DOCK3: variants seen among roughly 807,000 people sequenced by gnomAD.
The protein encoded by DOCK3 is dedicator of cytokinesis protein 3.
DOCK3 carries 60 observed loss-of-function variants against 265.6 expected under a neutral mutation model. That is an observed-to-expected ratio of 0.23 (90% CI 0.18 to 0.28). The LOEUF is 0.28. DOCK3 is among the 10% of genes least tolerant of loss of function. The probability of loss-of-function intolerance (pLI) is 1.00; values close to 1 mark genes in which losing one functional copy is unlikely to be tolerated. For synonymous variants in DOCK3, 881 were observed against 938.0 expected (o/e 0.94, Z 1.11); for missense variants, 1,981 against 2,594.3 (o/e 0.76, Z 5.14).
rs867023201 is a variant in DOCK3, at chr3:50,946,251, G to A, written c.315+12174G>A. Among the ~76,000 whole-genome samples, 22 of 152,098 alleles carry A rather than the reference G, an allele frequency of 1.4e-4. No individual in the cohort carries two copies. In the South Asian group the frequency reaches 1.9e-3, roughly 13 times the overall value. ...TGAAGAAGGGCTTTGACGTGCTTTAGCCCTACTATTTTTCAAATATATACT... is the reference window on the plus strand; with the variant it reads ...TGAAGAAGGGCTTTGACGTGCTTTAACCCTACTATTTTTCAAATATATACT... On this transcript the variant is annotated intron_variant, in intron 5 of 52. Transcript: ENST00000266037.
At chr3:50,966,947 TAAAA>T (rs925101714) in intron 5 of DOCK3, among the ~76,000 whole-genome samples, 1 of 152,132 alleles carries the variant, frequency 6.6e-6, no homozygotes, top group Admixed American at 6.6e-5. Context: ...CTCTTTCCTT[TAAAA>T]AAATCTTTTT....
intron 2 of DOCK3, among the ~76,000 whole-genome samples, chr3:50,807,084 C>T (rs1237019609): frequency 2.0e-5 from 3 of 152,126 alleles, no homozygotes; most frequent in South Asian, 2.1e-4. Context: ...CTGCATTCTT[C>T]GGAATCCAGT....
intron 14 of DOCK3, among the ~76,000 whole-genome samples, chr3:51,216,920 C>T (rs1215330237): frequency 2.0e-5 from 3 of 152,190 alleles, no homozygotes; most frequent in Admixed American, 6.5e-5. Context: ...GTAGCAGTCC[C>T]TCAGCTCTCA....
chr3:50,770,739 A>C (rs912817697), intron 1 of DOCK3, among the ~76,000 whole-genome samples: 2 of 152,324 alleles, frequency 1.3e-5, no homozygotes, highest in South Asian at 2.1e-4. Context: ...GAGAACCCAG[A>C]AACAAGGTTT....
At chr3:51,171,228 G>A (rs549676147) in intron 12 of DOCK3, among the ~76,000 whole-genome samples, 1 of 152,068 alleles carries the variant, frequency 6.6e-6, no homozygotes, top group East Asian at 1.9e-4. Context: ...AGTCTTGATA[G>A]GTTTTGTTTT....
chr3:51,225,176 C>G (rs1159618355), intron 14 of DOCK3, among the ~76,000 whole-genome samples: 2 of 152,136 alleles, frequency 1.3e-5, no homozygotes, highest in Admixed American at 6.5e-5. Flanking sequence ...ATCCTCTAGT[C>G]AGACTCAGAA....
intron 3 of DOCK3, among the ~76,000 whole-genome samples, chr3:50,875,924 C>T (rs1316693642): frequency 6.6e-6 from 1 of 150,772 alleles, no homozygotes; most frequent in Admixed American, 6.6e-5. Context: ...TAATATGAAA[C>T]ATTTTCATGA....
At chr3:51,336,937 G>C in intron 35 of DOCK3, 1 of 455,292 alleles carries the variant, frequency 2.2e-6, no homozygotes. Context: ...TGGGGAGACA[G>C]ATGCCTTCTA....
chr3:51,055,874 A>T (rs2081183210), intron 5 of DOCK3, among the ~76,000 whole-genome samples: 1 of 152,218 alleles, frequency 6.6e-6, no homozygotes, highest in African/African-American at 2.4e-5. Context: ...GTAAGAGAGG[A>T]TTAGAGCTAT....
At chr3:51,038,905 G>C (rs1051107578) in intron 5 of DOCK3, among the ~76,000 whole-genome samples, 1 of 151,556 alleles carries the variant, frequency 6.6e-6, no homozygotes, top group African/African-American at 2.4e-5. Context: ...ATTTCCAAAA[G>C]ATTTTATATA....
intron 2 of DOCK3, chr3:50,788,116 A>G: frequency 1.3e-6 from 1 of 761,492 alleles, no homozygotes; most frequent in Non-Finnish European, 2.1e-6. Context: ...CAGAATAAGG[A>G]CTTCCTGGTT....
intron 5 of DOCK3, among the ~76,000 whole-genome samples, chr3:50,971,746 G>T (rs1014044367): frequency 1.3e-5 from 2 of 152,194 alleles, no homozygotes; most frequent in East Asian, 3.8e-4. Context: ...AACTGGGCTG[G>T]TCTATAGAAT....
At chr3:51,106,106 G>C (rs2083269507) in intron 9 of DOCK3, among the ~76,000 whole-genome samples, 1 of 152,206 alleles carries the variant, frequency 6.6e-6, no homozygotes, top group Non-Finnish European at 1.5e-5. Context: ...CTCCCGCTAG[G>C]CTTCACTTGC....
At chr3:51,346,166 G>A (rs2085549558) in intron 38 of DOCK3, among the ~76,000 whole-genome samples, 1 of 152,072 alleles carries the variant, frequency 6.6e-6, no homozygotes, top group Non-Finnish European at 1.5e-5. Flanking sequence ...TATACTTTAA[G>A]TTCTAGGGTA....
At chr3:50,790,284 G>T (rs547376855) in intron 2 of DOCK3, among the ~76,000 whole-genome samples, 76 of 152,220 alleles carry the variant, frequency 5.0e-4, no homozygotes, top group Non-Finnish European at 9.4e-4. Context: ...TTTAAGTGGA[G>T]CATTTAGGCC....
At chr3:50,841,743 C>CTTTTTCTTTTTTTTTTTTTTTT in intron 3 of DOCK3, 28 bp downstream of exon 3, 2 of 483,402 alleles carry the variant, frequency 4.1e-6, no homozygotes, top group Non-Finnish European at 6.8e-6. Context: ...GTTACCTTTT[C>CTTTTTCTTTTTTTTTTTTTTTT]TAATGTAGGA....
In DOCK3 at chr3:51,220,709, G is replaced by GTGTATA. The variant is rs1208536854; in HGVS notation, c.1253-4939_1253-4938insGTATAT. ...TATATGTGTGTGTGTGTGTGTGTGTGTATATATATATATATATATATATAA... is the reference window on the plus strand; with the variant it reads ...TATATGTGTGTGTGTGTGTGTGTGTGTGTATATATATATATATATATATATATATAA... On this transcript the variant is annotated intron_variant, in intron 14 of 52. Coordinates refer to ENST00000266037, the MANE Select transcript of DOCK3 (RefSeq NM_004947.5). 1.3e-3 allele frequency among the ~76,000 whole-genome samples: 170 copies of GTGTATA among 132,374 alleles called. No homozygotes were observed. The East Asian group carries it at 0.021, about 17-fold the overall frequency. 86.8% of individuals were successfully genotyped at this position (132,374 alleles called of 152,430 possible). A position where few individuals can be genotyped will look rare whatever the true frequency, so the allele number is the denominator to read the frequency against.
intron 4 of DOCK3, among the ~76,000 whole-genome samples, chr3:50,905,545 A>G (rs1027651776): frequency 6.6e-6 from 1 of 152,100 alleles, no homozygotes; most frequent in Admixed American, 6.5e-5. Flanking sequence ...GAGTTCACTC[A>G]TGATTTGGCT....
intron 41 of DOCK3, 59 bp downstream of exon 41, chr3:51,355,082 C>G: frequency 6.4e-7 from 1 of 1,571,284 alleles, no homozygotes; most frequent in Non-Finnish European, 8.6e-7. Context: ...TGAGATCCAC[C>G]CAGTCAGCTG....
Sources: gnomAD v4.1 joint callset for allele counts (sites outside exome capture counted in the v4.1 genomes callset) on GRCh38, gnomAD v4.1.1 for gene constraint, MANE v1.5 for transcripts, NCBI Gene and HGNC (gene_info 2026-07-23, HGNC 2026-07-21) for gene names.